Variants in DOK7 observed in about 807,000 individuals in gnomAD.
DOK7 encodes protein Dok-7.
Under a neutral mutation model 30.7 loss-of-function variants are expected in DOK7, and 32 were observed. That is an observed-to-expected ratio of 1.04 (90% CI 0.79 to 1.40). DOK7 has a LOEUF of 1.40. Among genes scored for constraint, DOK7 ranks in the 40% most tolerant of loss-of-function variants. DOK7 has a pLI of 0.00. For missense variants in DOK7, 1,007 were observed against 699.2 expected, an observed-to-expected ratio of 1.44 and a Z score of -4.97; for synonymous variants, 447 against 324.1, an observed-to-expected ratio of 1.38 and a Z score of -4.07.
At position 3,493,357 on chromosome 4, in the gene DOK7, G is replaced by A. The variant is rs1455617490; in HGVS notation, c.1371G>A (p.Glu457=). 4 of 1,597,020 alleles carry A rather than the reference G, an allele frequency of 2.5e-6. No homozygotes were observed. The African/African-American group carries it at 4.0e-5, about 16-fold the overall frequency. ...LGTRRRGLVM[E]APQGSEATLP... is the part of the protein sequence containing the mutation. ...CGAGACGGCGGGGCCTGGTGATGGA[G>A]GCCCCCCAGGGCAGCGAGGCCACAC... Residue 457 remains glutamate (E), a synonymous_variant, in exon 7 of 7, where the codon GAG becomes GAA. Coordinates refer to ENST00000340083, the MANE Select transcript of DOK7 (RefSeq NM_173660.5).
At chr4:3,463,838 G>GC (rs1726117950) in intron 2 of DOK7, among the ~76,000 whole-genome samples, 1 of 152,148 alleles carries the variant, frequency 6.6e-6, no homozygotes, top group Non-Finnish European at 1.5e-5. Context: ...AGCAGCAAGG[G>GC]GCCCCCCAGA....
rs186131012 is a variant in DOK7 at position 3,477,378 on chromosome 4, C to T, written c.532+836C>T. The stretch of plus-strand genomic sequence containing the variant: ...ACTGAGGGACTGCACTTGGCTCACA[C>T]TGGTGGGGGCTCTGGTGGAGCCTGG... On this transcript the variant is annotated intron_variant, in intron 4 of 6. Coordinates refer to ENST00000340083, the MANE Select transcript of DOK7 (RefSeq NM_173660.5). Among the ~76,000 whole-genome samples, 14 of 152,308 alleles carry T rather than the reference C, an allele frequency of 9.2e-5. No homozygotes were observed. The East Asian group carries it at 2.7e-3, about 29-fold the overall frequency.
chr4:3,469,476 C>T (rs1020148529), intron 2 of DOK7, among the ~76,000 whole-genome samples: 8 of 152,208 alleles, frequency 5.3e-5, no homozygotes, highest in South Asian at 2.1e-4. Flanking sequence ...GACCCCCAGC[C>T]GGAGGGTGGG....
At chr4:3,488,579 C>G (rs1727961903) in intron 5 of DOK7, among the ~76,000 whole-genome samples, 1 of 152,244 alleles carries the variant, frequency 6.6e-6, no homozygotes, top group African/African-American at 2.4e-5. Flanking sequence ...AGGCTGGGGA[C>G]TGTACCTTCT....
At chr4:3,470,533 G>A (rs1726695995) in intron 2 of DOK7, among the ~76,000 whole-genome samples, 1 of 152,174 alleles carries the variant, frequency 6.6e-6, no homozygotes, top group African/African-American at 2.4e-5. Context: ...GGTTCAGCAT[G>A]CGCCCCACCA....
Position 3,494,083 on chromosome 4 carries a change from G to C in DOK7, c.*582G>C. The C allele has an allele frequency of 1.0e-6, 1 of 986,780 alleles. No homozygotes were observed. The highest frequency in any genetic ancestry group is 1.2e-6 in the Non-Finnish European group (1 of 830,956). 61.1% of individuals were successfully genotyped at this position (986,780 alleles called of 1,614,324 possible). A position where few individuals can be genotyped will look rare whatever the true frequency, so the allele number is the denominator to read the frequency against. On this transcript the variant is annotated 3_prime_UTR_variant, in exon 7 of 7. Transcript: ENST00000340083. Reference sequence around the variant, plus strand: ...GCTGTGTGGCTTGCGGGGTCTCTGGGTTCTGGGCCCCACTGTTCCCCAGTG... The same window carrying C: ...GCTGTGTGGCTTGCGGGGTCTCTGGCTTCTGGGCCCCACTGTTCCCCAGTG...
chr4:3,486,860 C>T (rs554004819), intron 5 of DOK7, among the ~76,000 whole-genome samples: 14 of 152,156 alleles, frequency 9.2e-5, no homozygotes, highest in African/African-American at 2.4e-4. Flanking sequence ...GGGACAGGGC[C>T]GGGCAGGGGC....
At chr4:3,469,140 T>G (rs1434514829) in intron 2 of DOK7, among the ~76,000 whole-genome samples, 1 of 150,336 alleles carries the variant, frequency 6.7e-6, no homozygotes, top group African/African-American at 2.5e-5. Flanking sequence ...TGTGTGCGTG[T>G]ATGTGTCTGT....
chr4:3,484,851 G>T (rs1727666219), intron 4 of DOK7: 2 of 985,364 alleles, frequency 2.0e-6, no homozygotes, highest in Admixed American at 1.2e-4. Flanking sequence ...CAGGTGCCGT[G>T]CCACACCTTT....
rs531022827 is a variant in DOK7, at chr4:3,475,905, CT to C, written c.332-436del. On this transcript the variant is annotated intron_variant, in intron 3 of 6. Coordinates refer to ENST00000340083, the MANE Select transcript of DOK7 (RefSeq NM_173660.5). ...AGGCCCCTCTGGGACTTCCTTGCCC[CT>C]GAACAAAGATAGTTCCTGGGAGGAT... Among the ~76,000 whole-genome samples the C allele has an allele frequency of 2.1e-3, 325 of 152,236 alleles. 3 individuals are homozygous for C. Among genetic ancestry groups the C allele is most frequent in the African/African-American group, 7.2e-3 (300 of 41,530 alleles).
At chr4:3,466,932 C>T (rs1726320727) in intron 2 of DOK7, among the ~76,000 whole-genome samples, 1 of 152,226 alleles carries the variant, frequency 6.6e-6, no homozygotes, top group African/African-American at 2.4e-5. Context: ...CGGGGCTAGG[C>T]ACTGGATCTT....
At chr4:3,495,453 T>C (rs1365101625), downstream of DOK7, among the ~76,000 whole-genome samples, 1 of 152,248 alleles carries the variant, frequency 6.6e-6, no homozygotes, top group African/African-American at 2.4e-5. Flanking sequence ...ATGGGGCCTC[T>C]TGCCTGGCGG....
intron 6 of DOK7, among the ~76,000 whole-genome samples, chr4:3,491,189 CT>C (rs1383039845): frequency 8.8e-5 from 1 of 11,320 alleles, no homozygotes; most frequent in Non-Finnish European, 1.9e-4. Context: ...TCCTTCCCCC[CT>C]GCTCATTCCT....
At chr4:3,469,766 G>A (rs761278337) in intron 2 of DOK7, among the ~76,000 whole-genome samples, 1 of 152,190 alleles carries the variant, frequency 6.6e-6, no homozygotes, top group East Asian at 1.9e-4. Context: ...TTCCTGCAGC[G>A]CTTTGCCCCC....
At chr4:3,494,769 G>A (rs11941267), downstream of DOK7, among the ~76,000 whole-genome samples, 2,214 of 152,326 alleles carry the variant, frequency 0.015, 47 homozygotes, top group African/African-American at 0.05. Flanking sequence ...TAGTCCCTCA[G>A]GCATGGGGCT....
At chr4:3,495,889 G>C (rs775760536), downstream of DOK7, among the ~76,000 whole-genome samples, 2 of 152,142 alleles carry the variant, frequency 1.3e-5, no homozygotes, top group Admixed American at 1.3e-4. Flanking sequence ...TCAAAGTCTA[G>C]ACCAGCTCAG....
At chr4:3,487,354 T>C (rs1051562863) in intron 5 of DOK7, among the ~76,000 whole-genome samples, 1 of 152,236 alleles carries the variant, frequency 6.6e-6, no homozygotes, top group African/African-American at 2.4e-5. Context: ...GGCAGCACAC[T>C]GGAGCCCCGT....
At position 3,491,013 on chromosome 4, in the gene DOK7, GCT is replaced by G. The variant is rs1728356361; in HGVS notation, c.772+1219_772+1220del. Among the ~76,000 whole-genome samples the G allele has an allele frequency of 4.0e-5, 3 of 75,810 alleles. No homozygotes were observed. In the South Asian group the frequency reaches 1.9e-3, roughly 47 times the overall value. The allele number at this position is 75,810 out of a possible 152,430, so 49.7% of individuals were successfully genotyped here. ...CATTCATTCCTTCCTTCTTCTTCCT[GCT>G]CATTCATTCCTTCCTTCCCCCCCAT... On this transcript the variant is annotated intron_variant, in intron 6 of 6. Transcript: ENST00000340083.
intron 4 of DOK7, chr4:3,484,579 C>G: frequency 1.0e-6 from 1 of 985,372 alleles, no homozygotes; most frequent in Non-Finnish European, 1.2e-6. Context: ...TCACCCCTGG[C>G]CGGGAGGGCA....
Sources: allele counts gnomAD v4.1 joint callset (sites outside exome capture counted in the v4.1 genomes callset), GRCh38; gene constraint gnomAD v4.1.1; transcripts MANE v1.5; gene names NCBI Gene and HGNC (gene_info 2026-07-23, HGNC 2026-07-21).